The following RSU1 variants were observed in gnomAD, a reference collection of about 807,000 sequenced individuals.
RSU1 encodes the protein rsu-1.
A neutral mutation model predicts 31.1 loss-of-function variants in RSU1; 26 were observed. That is an observed-to-expected ratio of 0.84 (90% CI 0.61 to 1.16). RSU1 has a LOEUF of 1.16. Among genes scored for constraint, RSU1 ranks in the 50% most tolerant of loss-of-function variants. RSU1 has a pLI of 0.00. For missense variants in RSU1, 320 were observed against 339.1 expected, an observed-to-expected ratio of 0.94 and a Z score of 0.44; for synonymous variants, 164 against 136.3, an observed-to-expected ratio of 1.20 and a Z score of -1.41.
At chr10:16,743,654 T>C (rs754244987) in intron 7 of RSU1, among the ~76,000 whole-genome samples, 3 of 152,214 alleles carry the variant, frequency 2.0e-5, no homozygotes, top group Non-Finnish European at 4.4e-5. Flanking sequence ...CTTCTTTTCA[T>C]AGTAATAGGA....
intron 3 of RSU1, among the ~76,000 whole-genome samples, chr10:16,780,941 C>T (rs745306641): frequency 1.3e-5 from 2 of 152,196 alleles, no homozygotes; most frequent in African/African-American, 2.4e-5. Flanking sequence ...TGGCTAACAA[C>T]GACTAATCCA....
At chr10:16,709,814 A>G (rs896561827) in intron 7 of RSU1, among the ~76,000 whole-genome samples, 1 of 152,118 alleles carries the variant, frequency 6.6e-6, no homozygotes, top group African/African-American at 2.4e-5. Flanking sequence ...GTGTCTGTTC[A>G]TATCCTTTGC....
intron 2 of RSU1, among the ~76,000 whole-genome samples, chr10:16,813,531 ATT>A (rs1257956009): frequency 6.6e-6 from 1 of 152,240 alleles, no homozygotes; most frequent in Non-Finnish European, 1.5e-5. Flanking sequence ...AATAACTAAC[ATT>A]TAATGTGCAT....
At position 16,656,290 on chromosome 10, in the gene RSU1, A is replaced by C. The variant is rs1834776624; in HGVS notation, c.731+38733T>G. On this transcript the variant is annotated intron_variant, in intron 8 of 8. Coordinates refer to ENST00000345264, the MANE Select transcript of RSU1 (RefSeq NM_012425.4). ...ACTCTCGGCTTTTCAAATTTATAGT[A>C]TGTTATGAAAATTCTCAAAGTCATT... is the stretch of plus-strand genomic sequence containing the variant. Among the ~76,000 whole-genome samples the C allele has an allele frequency of 3.9e-5, 6 of 152,256 alleles. No homozygotes were observed. The South Asian group carries it at 1.2e-3, about 32-fold the overall frequency.
In RSU1 at chr10:16,764,497, G is replaced by A; in HGVS notation, c.174C>T (p.Asn58=). Residue 58 remains asparagine, a synonymous_variant, in exon 4 of 9, where the codon AAC becomes AAT. Transcript: ENST00000345264. ...SHNKLTMVPP[N]IAELKNLEVL... ...CCTCCAAATTCTTCAGTTCTGCGAT[G>A]TTCGGTGGCACCACTATGGAAACAA... is the stretch of plus-strand genomic sequence containing the variant. 6.2e-7 allele frequency: 1 copy of A among 1,613,214 alleles called. No individual in the cohort carries two copies. The highest frequency in any genetic ancestry group is 1.1e-5 in the South Asian group (1 of 90,894).
intron 2 of RSU1, among the ~76,000 whole-genome samples, chr10:16,800,278 A>G (rs1019676609): frequency 2.6e-5 from 4 of 152,234 alleles, no homozygotes; most frequent in African/African-American, 7.2e-5. Flanking sequence ...GATATTTTAC[A>G]GTTATCTGAC....
intron 7 of RSU1, among the ~76,000 whole-genome samples, chr10:16,727,313 C>G (rs953669516): frequency 6.6e-6 from 1 of 152,166 alleles, no homozygotes; most frequent in East Asian, 1.9e-4. Flanking sequence ...CCCAATTCAA[C>G]TTTTATATCA....
intron 2 of RSU1, among the ~76,000 whole-genome samples, chr10:16,811,490 T>A (rs1838408221): frequency 6.6e-6 from 1 of 151,572 alleles, no homozygotes; most frequent in Non-Finnish European, 1.5e-5. Context: ...CACAGAGAGG[T>A]CAAGCAACTT....
At chr10:16,650,745 A>G (rs556370168) in intron 8 of RSU1, among the ~76,000 whole-genome samples, 1 of 139,402 alleles carries the variant, frequency 7.2e-6, no homozygotes, top group East Asian at 2.1e-4. Context: ...ACACCCGGCT[A>G]CTTTTTTTTT....
chr10:16,655,093 A>T (rs1305267165), intron 8 of RSU1, among the ~76,000 whole-genome samples: 1 of 150,788 alleles, frequency 6.6e-6, no homozygotes, highest in Non-Finnish European at 1.5e-5. Flanking sequence ...AGAGAGAGAG[A>T]AATGCATTCT....
In RSU1 at chr10:16,796,215, C is replaced by T. The variant is rs533498981; in HGVS notation, c.110-14131G>A. On this transcript the variant is annotated intron_variant, in intron 2 of 8. Transcript: ENST00000345264. ...TTATTTTTAACCTTGGATTTTGATT[C>T]TCTCCCCACATGTCATCCCTTATCC... Among the ~76,000 whole-genome samples the T allele has an allele frequency of 5.3e-5, 8 of 152,274 alleles. No individual in the cohort carries two copies. The South Asian group carries it at 1.7e-3, about 32-fold the overall frequency.
intron 8 of RSU1, among the ~76,000 whole-genome samples, chr10:16,633,460 GA>G (rs997357179): frequency 6.0e-5 from 9 of 150,496 alleles, no homozygotes; most frequent in African/African-American, 2.0e-4. Context: ...CTGGGGAGAG[GA>G]AAAAAAAACA....
intron 8 of RSU1, among the ~76,000 whole-genome samples, chr10:16,637,125 G>A (rs918450165): frequency 1.3e-5 from 2 of 152,222 alleles, no homozygotes; most frequent in African/African-American, 2.4e-5. Flanking sequence ...TTAGCTAGCT[G>A]AGGCCACTGC....
rs1299349058 is a variant in RSU1, at chr10:16,785,421, T to TATATACATATATATATATACAC, written c.110-3359_110-3338dup. Among the ~76,000 whole-genome samples, 4 of 141,080 alleles carry TATATACATATATATATATACAC rather than the reference T, an allele frequency of 2.8e-5. No homozygotes were observed. The East Asian group carries it at 6.2e-4, about 22-fold the overall frequency. 92.6% of individuals were successfully genotyped at this position (141,080 alleles called of 152,430 possible). On this transcript the variant is annotated intron_variant, in intron 2 of 8. Coordinates refer to ENST00000345264, the MANE Select transcript of RSU1 (RefSeq NM_012425.4). Reference sequence around the variant, plus strand: ...CTCTATCTTTCTATATATATATACATATATACATATATATATATACACATA... The same window carrying TATATACATATATATATATACAC: ...CTCTATCTTTCTATATATATATACATATATACATATATATATATACACATATACATATATATATATACACATA...
intron 4 of RSU1, among the ~76,000 whole-genome samples, chr10:16,760,419 G>C (rs1164814469): frequency 6.6e-6 from 1 of 150,954 alleles, no homozygotes; most frequent in Non-Finnish European, 1.5e-5. Context: ...TGAGGCAGGA[G>C]AATCGTTTGA....
intron 8 of RSU1, 133 bp downstream of exon 8, chr10:16,694,890 T>G: frequency 1.2e-6 from 1 of 855,198 alleles, no homozygotes; most frequent in Non-Finnish European, 1.8e-6. Flanking sequence ...ACATGCAGTT[T>G]TTAATAAAAC....
At chr10:16,682,721 T>C (rs534721476) in intron 8 of RSU1, among the ~76,000 whole-genome samples, 4 of 152,252 alleles carry the variant, frequency 2.6e-5, no homozygotes, top group African/African-American at 7.2e-5. Context: ...TGGATCTTTC[T>C]TGTGCAAAAT....
intron 8 of RSU1, among the ~76,000 whole-genome samples, chr10:16,640,577 G>C (rs566192644): frequency 6.6e-6 from 1 of 152,318 alleles, no homozygotes; most frequent in South Asian, 2.1e-4. Context: ...GACCTTCCCT[G>C]GGACCACTGG....
At chr10:16,610,021 T>C (rs1833867382) in intron 8 of RSU1, among the ~76,000 whole-genome samples, 2 of 152,198 alleles carry the variant, frequency 1.3e-5, no homozygotes, top group South Asian at 4.1e-4. Flanking sequence ...AATTTTAATA[T>C]CATATTTTAT....
Sources: allele counts gnomAD v4.1 joint callset (sites outside exome capture counted in the v4.1 genomes callset), GRCh38; gene constraint gnomAD v4.1.1; transcripts MANE v1.5; gene names NCBI Gene and HGNC (gene_info 2026-07-23, HGNC 2026-07-21).